The following SLC6A3 variants were observed in gnomAD, a reference collection of about 807,000 sequenced individuals.
The protein encoded by SLC6A3 is solute carrier family 6 member 3.
SLC6A3 carries 19 observed loss-of-function variants against 70.4 expected under a neutral mutation model. The ratio of observed to expected loss-of-function variants is 0.27; its 90% CI spans 0.19 to 0.40. The LOEUF is 0.40. SLC6A3 is among the 10% of genes least tolerant of loss of function. The probability of loss-of-function intolerance (pLI) is 1.00; values close to 1 mark genes in which losing one functional copy is unlikely to be tolerated. For synonymous variants in SLC6A3, 368 were observed against 356.6 expected (o/e 1.03, Z -0.36); for missense variants, 613 against 838.5 (o/e 0.73, Z 3.32).
rs923245993 is a variant in SLC6A3 at position 1,437,057 on chromosome 5, C to T, written c.418+4302G>A. 4.0e-4 allele frequency among the ~76,000 whole-genome samples: 61 copies of T among 152,104 alleles called. No individual in the cohort carries two copies. The highest frequency in any genetic ancestry group is 1.0e-4 in the Non-Finnish European group (7 of 68,020). On this transcript the variant is annotated intron_variant, in intron 3 of 14. Transcript: ENST00000270349. This position sits in a 1 kb window ranked among gnomAD's most constrained non-coding sequence, Gnocchi z 4.8. ...ATGAGGTCAGGCAATCGAGACCATC[C>T]TGGCTAACACGATGAAACCCCGTCT...
chr5:1,439,131 G>T (rs867080134), intron 3 of SLC6A3, among the ~76,000 whole-genome samples: 1 of 152,022 alleles, frequency 6.6e-6, no homozygotes, highest in African/African-American at 2.4e-5. Context: ...GTAACAACAG[G>T]CCTGGGTCTT....
rs1159690982 is a variant in SLC6A3 at position 1,397,402 on chromosome 5, G to A, written c.1840-2644C>T. 1.3e-5 allele frequency among the ~76,000 whole-genome samples: 2 copies of A among 152,224 alleles called. No individual in the cohort carries two copies. Among genetic ancestry groups the A allele is most frequent in the African/African-American group, 4.8e-5 (2 of 41,444 alleles). ...GCCGAGATTGCGCCACTGCACTCCA[G>A]CCTGGGCTACAGAGCGAGACTCCGT... On this transcript the variant is annotated intron_variant, in intron 14 of 14. Transcript: ENST00000270349. This position sits in a 1 kb window ranked among gnomAD's most constrained non-coding sequence, Gnocchi z 4.7.
rs889032431 is a variant in SLC6A3 at position 1,405,315 on chromosome 5, T to A, written c.1599+873A>T. ...ACCCCTCTGCTGGCAACTACGGGGC[T>A]GTCCCACCTGCTGTGTGCAGGTGAC... is the stretch of plus-strand genomic sequence containing the variant. On this transcript the variant is annotated intron_variant, in intron 12 of 14. Transcript: ENST00000270349. The surrounding 1 kb of genome is among the most constrained non-coding windows in gnomAD (Gnocchi z 5.3). Among the ~76,000 whole-genome samples the A allele has an allele frequency of 6.6e-6, 1 of 152,208 alleles. No homozygotes were observed. The highest frequency in any genetic ancestry group is 2.4e-5 in the African/African-American group (1 of 41,462).
At chr5:1,417,139 A>G (rs1319761617) in intron 6 of SLC6A3, among the ~76,000 whole-genome samples, 1 of 150,846 alleles carries the variant, frequency 6.6e-6, no homozygotes, top group Non-Finnish European at 1.5e-5. Flanking sequence ...GTGCCCTGAA[A>G]CCCTCAGAAC....
chr5:1,441,414 G>C lies in SLC6A3; in HGVS notation c.363C>G (p.Gly121=), dbSNP rs775650959. 6.2e-7 allele frequency: 1 copy of C among 1,614,112 alleles called. No individual in the cohort carries two copies. Among genetic ancestry groups the C allele is most frequent in the African/African-American group, 1.3e-5 (1 of 74,944 alleles). ...CAGCGGCCCCTTCCCTGTTGAACTGGCCGAGGGCCAGCTCCATGTAGAAAA... is the reference window on the plus strand; with the variant it reads ...CAGCGGCCCCTTCCCTGTTGAACTGCCCGAGGGCCAGCTCCATGTAGAAAA... ...MPLFYMELAL[G]QFNREGAAGV... is the part of the protein sequence containing the mutation. The change falls in exon 3 of 15, where the codon GGC becomes GGG. Residue 121 remains glycine (G), a synonymous_variant. Transcript: ENST00000270349.
chr5:1,414,910 G>A (rs571706880), intron 7 of SLC6A3, 95 bp from the exon 8 acceptor site: 1 of 1,530,378 alleles, frequency 6.5e-7, no homozygotes, highest in Admixed American at 1.7e-5. Context: ...TCTGGGGAAG[G>A]GGGCGGGAGG....
At chr5:1,424,024 C>T (rs1756523171) in intron 4 of SLC6A3, among the ~76,000 whole-genome samples, 1 of 152,222 alleles carries the variant, frequency 6.6e-6, no homozygotes, top group Non-Finnish European at 1.5e-5. Flanking sequence ...GCTCTTCAAA[C>T]TCCAGACACC....
chr5:1,432,776 C>T, intron 3 of SLC6A3, 78 bp from the exon 4 acceptor site: 1 of 970,166 alleles, frequency 1.0e-6, no homozygotes, highest in South Asian at 1.4e-5. Flanking sequence ...CCTTCCACCT[C>T]CCCTCACGGG....
At position 1,401,439 on chromosome 5, in the gene SLC6A3, G is replaced by A. The variant is rs769757489; in HGVS notation, c.1768-453C>T. The A allele has an allele frequency of 4.3e-4, 164 of 378,624 alleles. No homozygotes were observed. Among genetic ancestry groups the A allele is most frequent in the Non-Finnish European group, 5.4e-4 (103 of 192,228 alleles). 23.5% of individuals were successfully genotyped at this position (378,624 alleles called of 1,614,324 possible). ...ACCTGCAGCTCTTGGGAGAGTGAACGCTGAACGTGCCTTCCTTCCACTGCC... is the reference window on the plus strand; with the variant it reads ...ACCTGCAGCTCTTGGGAGAGTGAACACTGAACGTGCCTTCCTTCCACTGCC... On this transcript the variant is annotated intron_variant, in intron 13 of 14. Transcript: ENST00000270349. The surrounding 1 kb of genome is among the most constrained non-coding windows in gnomAD (Gnocchi z 6.1).
chr5:1,436,420 G>A lies in SLC6A3; in HGVS notation c.419-3722C>T, dbSNP rs554818773. ...GACTGTCTCCCCAAGGAGGTGGCAG[G>A]CAAAGTCCCTGCTCGCGTTTCCAGG... is the stretch of plus-strand genomic sequence containing the variant. On this transcript the variant is annotated intron_variant, in intron 3 of 14. Transcript: ENST00000270349. The surrounding 1 kb of genome is among the most constrained non-coding windows in gnomAD (Gnocchi z 5.2). Among the ~76,000 whole-genome samples, 3 of 152,296 alleles carry A rather than the reference G, an allele frequency of 2.0e-5. No homozygotes were observed. The East Asian group carries it at 5.8e-4, about 29-fold the overall frequency.
chr5:1,435,451 T>C (rs1197357024), intron 3 of SLC6A3, among the ~76,000 whole-genome samples: 2 of 152,244 alleles, frequency 1.3e-5, no homozygotes, highest in Non-Finnish European at 2.9e-5. Flanking sequence ...AAGGAAGGGC[T>C]GAGTGTACCC....
chr5:1,417,496 AG>A (rs1036866379), intron 6 of SLC6A3, among the ~76,000 whole-genome samples: 1 of 152,208 alleles, frequency 6.6e-6, no homozygotes, highest in African/African-American at 2.4e-5. Flanking sequence ...CATGGCCAGG[AG>A]CCCACCTGCA....
rs144403965 is a variant in SLC6A3, at chr5:1,409,742, C to T, written c.1377G>A (p.Leu459=). 1.9e-6 allele frequency: 3 copies of T among 1,613,398 alleles called. No individual in the cohort carries two copies. The highest frequency in any genetic ancestry group is 2.5e-6 in the Non-Finnish European group (3 of 1,180,010). ...TLFIVLATFL[L]SLFCVTNGGI... is the part of the protein sequence containing the mutation. The stretch of plus-strand genomic sequence containing the variant: ...GTACGTTGGTGACGCAGAACAGGGA[C>T]AGGAGGAAGGTCGCCAGGACGATGA... The change falls in exon 10 of 15, where the codon CTG becomes CTA. Residue 459 remains leucine, a synonymous_variant. Coordinates refer to ENST00000270349, the MANE Select transcript of SLC6A3 (RefSeq NM_001044.5).
At chr5:1,441,225 GT>G in intron 3 of SLC6A3, 133 bp downstream of exon 3, 1 of 1,040,092 alleles carries the variant, frequency 9.6e-7, no homozygotes, top group South Asian at 1.3e-5. Flanking sequence ...CCAAGTTCAA[GT>G]GGCGTGTGCC....
rs1258808587 is a variant in SLC6A3 at position 1,406,009 on chromosome 5, G to A, written c.1599+179C>T. Among the ~76,000 whole-genome samples, 1 of 152,202 alleles carries A rather than the reference G, an allele frequency of 6.6e-6. No individual in the cohort carries two copies. Among genetic ancestry groups the A allele is most frequent in the East Asian group, 1.9e-4 (1 of 5,196 alleles). The stretch of plus-strand genomic sequence containing the variant: ...GGTGGGTCTAGAGGGGAGGGTGGAA[G>A]CCACCTTAAGGAGACTATAGATGAG... On this transcript the variant is annotated intron_variant, in intron 12 of 14. Coordinates refer to ENST00000270349, the MANE Select transcript of SLC6A3 (RefSeq NM_001044.5). This position sits in a 1 kb window ranked among gnomAD's most constrained non-coding sequence, Gnocchi z 8.8.
rs963906471 is a variant in SLC6A3, at chr5:1,438,269, C to T, written c.418+3090G>A. Among the ~76,000 whole-genome samples the T allele has an allele frequency of 1.2e-4, 18 of 152,264 alleles. No homozygotes were observed. The highest frequency in any genetic ancestry group is 4.3e-4 in the African/African-American group (18 of 41,474). ...TCCGCCCGCAGGGCCACGAGCCTTC[C>T]TTCCTGCGGCCACACTTTGCAGCCC... On this transcript the variant is annotated intron_variant, in intron 3 of 14. Coordinates refer to ENST00000270349, the MANE Select transcript of SLC6A3 (RefSeq NM_001044.5). This position sits in a 1 kb window ranked among gnomAD's most constrained non-coding sequence, Gnocchi z 6.5.
chr5:1,418,387 TTATCTATCAATCAATCATCTATC>T (rs892263776), intron 6 of SLC6A3, among the ~76,000 whole-genome samples: 19 of 152,172 alleles, frequency 1.2e-4, no homozygotes, highest in Non-Finnish European at 2.5e-4. Flanking sequence ...CCATCATCTA[TTATCTATCAATCAATCATCTATC>T]TATCTATCAT....
rs1755737533 is a variant in SLC6A3, at chr5:1,397,007, T to C, written c.1840-2249A>G. Among the ~76,000 whole-genome samples the C allele has an allele frequency of 6.6e-6, 1 of 152,116 alleles. No individual in the cohort carries two copies. Among genetic ancestry groups the C allele is most frequent in the Non-Finnish European group, 1.5e-5 (1 of 68,016 alleles). ...GCTCACAAGGGTCTGTTTGTTACGG[T>C]GACAAATTAATAATTTAAAAATGGC... On this transcript the variant is annotated intron_variant, in intron 14 of 14. Coordinates refer to ENST00000270349, the MANE Select transcript of SLC6A3 (RefSeq NM_001044.5). The surrounding 1 kb of genome is among the most constrained non-coding windows in gnomAD (Gnocchi z 4.7).
At chr5:1,432,896 C>T (rs1579723062) in intron 3 of SLC6A3, among the ~76,000 whole-genome samples, 198 bp from the exon 4 acceptor site, 1 of 152,098 alleles carries the variant, frequency 6.6e-6, no homozygotes, top group African/African-American at 2.4e-5. Context: ...ACACTGTGAC[C>T]ACAGAGAAGA....
Sources: gnomAD v4.1 joint callset for allele counts (sites outside exome capture counted in the v4.1 genomes callset) on GRCh38, gnomAD v4.1.1 for gene constraint, Gnocchi (gnomAD v3.1) non-coding constraint, MANE v1.5 for transcripts, NCBI Gene and HGNC (gene_info 2026-07-23, HGNC 2026-07-21) for gene names.